The following ARHGEF3 variants were observed in gnomAD, a reference collection of about 807,000 sequenced individuals.
ARHGEF3 encodes the protein Rho guanine nucleotide exchange factor 3.
ARHGEF3 carries 28 observed loss-of-function variants against 63.2 expected under a neutral mutation model. That is an observed-to-expected ratio of 0.44 (90% confidence interval 0.33 to 0.61). The LOEUF is 0.61. ARHGEF3 is among the 20% of genes least tolerant of loss of function. The pLI is 0.03. For synonymous variants in ARHGEF3, 266 were observed against 254.2 expected (o/e 1.05, Z -0.44); for missense variants, 533 against 659.3 (o/e 0.81, Z 2.10).
chr3:56,795,657 T>C lies in ARHGEF3; in HGVS notation c.96+6046A>G, dbSNP rs191595858. On this transcript the variant is annotated intron_variant, in intron 1 of 9. Transcript: ENST00000296315. ...AACTTGTGACACAGTCTCTCTCTCT[T>C]TTTTTTTTTTGAAGATGGACTCTTG... Among the ~76,000 whole-genome samples, 164 of 75,138 alleles carry C rather than the reference T, an allele frequency of 2.2e-3. 4 individuals carry two copies. Among genetic ancestry groups the C allele is most frequent in the Non-Finnish European group, 2.6e-3 (100 of 38,726 alleles). 49.3% of individuals were successfully genotyped at this position (75,138 alleles called of 152,430 possible). A position where few individuals can be genotyped will look rare whatever the true frequency, so the allele number is the denominator to read the frequency against.
rs562259603 is a variant in ARHGEF3 at position 56,734,691 on chromosome 3, T to C, written c.1042-2267A>G. Among the ~76,000 whole-genome samples, 12 of 152,208 alleles carry C rather than the reference T, an allele frequency of 7.9e-5. No individual in the cohort carries two copies. The South Asian group carries it at 1.5e-3, about 18-fold the overall frequency. Reference sequence around the variant, plus strand: ...TTAAATTTAGGAGAAAAGAAACCCATAGGTCTCCCACCCCTATCCCTACTA... The same window carrying C: ...TTAAATTTAGGAGAAAAGAAACCCACAGGTCTCCCACCCCTATCCCTACTA... On this transcript the variant is annotated intron_variant, in intron 8 of 9. Coordinates refer to ENST00000296315, the MANE Select transcript of ARHGEF3 (RefSeq NM_019555.3).
At chr3:56,904,636 A>G (rs144915519) in intron 3 of ARHGEF3, among the ~76,000 whole-genome samples, 1 of 152,346 alleles carries the variant, frequency 6.6e-6, no homozygotes, top group African/African-American at 2.4e-5. Flanking sequence ...AGACAGCTGG[A>G]TTCATACATC....
chr3:56,739,396 C>CTT (rs11309388), intron 7 of ARHGEF3, among the ~76,000 whole-genome samples: 2 of 133,430 alleles, frequency 1.5e-5, no homozygotes. Context: ...AATTATTTTC[C>CTT]TTTTTTTTTT....
At chr3:57,062,254 C>A (rs1027535353) in intron 1 of ARHGEF3, among the ~76,000 whole-genome samples, 8 of 152,230 alleles carry the variant, frequency 5.3e-5, no homozygotes, top group African/African-American at 1.9e-4. Context: ...ACTGCTCTAG[C>A]GCTGGGTGAG....
chr3:56,978,476 T>A (rs1435313616), intron 2 of ARHGEF3, among the ~76,000 whole-genome samples: 1 of 152,006 alleles, frequency 6.6e-6, no homozygotes, highest in Non-Finnish European at 1.5e-5. Context: ...GCTCACAAAA[T>A]AAAAAACCCA....
intron 2 of ARHGEF3, among the ~76,000 whole-genome samples, chr3:56,760,041 C>A (rs2035332239): frequency 6.6e-6 from 1 of 152,172 alleles, no homozygotes; most frequent in East Asian, 1.9e-4. Context: ...AACTGATGGA[C>A]ATTAAAATTG....
At chr3:56,734,094 T>C (rs1276785294) in intron 8 of ARHGEF3, among the ~76,000 whole-genome samples, 1 of 152,056 alleles carries the variant, frequency 6.6e-6, no homozygotes, top group Non-Finnish European at 1.5e-5. Flanking sequence ...GTGTGTGATG[T>C]TGGCAAAAAG....
chr3:56,883,577 G>A (rs1331274010), intron 3 of ARHGEF3, among the ~76,000 whole-genome samples: 1 of 152,184 alleles, frequency 6.6e-6, no homozygotes, highest in African/African-American at 2.4e-5. Flanking sequence ...GATTACAGGA[G>A]TGAACCATTG....
chr3:56,923,943 C>T (rs1457095252), intron 3 of ARHGEF3, among the ~76,000 whole-genome samples: 2 of 152,216 alleles, frequency 1.3e-5, no homozygotes, highest in Non-Finnish European at 1.5e-5. Context: ...TCAGCACCTC[C>T]TCCCAGTTAG....
chr3:56,770,560 G>A (rs1004197312), intron 2 of ARHGEF3, among the ~76,000 whole-genome samples: 4 of 152,232 alleles, frequency 2.6e-5, no homozygotes, highest in African/African-American at 4.8e-5. Context: ...AAGTTGCACC[G>A]TGTGCACCAA....
At chr3:56,761,974 A>T (rs141295097) in intron 2 of ARHGEF3, among the ~76,000 whole-genome samples, 2 of 152,146 alleles carry the variant, frequency 1.3e-5, no homozygotes, top group Non-Finnish European at 1.5e-5. Flanking sequence ...AAGTTTCTCA[A>T]CCTGGCCACC....
At chr3:56,973,110 G>A (rs978829562) in intron 2 of ARHGEF3, among the ~76,000 whole-genome samples, 4 of 151,568 alleles carry the variant, frequency 2.6e-5, no homozygotes, top group East Asian at 3.9e-4. Flanking sequence ...TCCGCCTCCC[G>A]GGTTCACACC....
rs781263643 is a variant in ARHGEF3, at chr3:56,729,454, G to A, written c.1397C>T (p.Ser466Leu). ...GCTCCCGGTGGTGGGATTTAGGAAC[G>A]ATCCCTCGGAGTCAAGCACCCCAGC... ...GQAGVLDSEG[S>L]FLNPTTGSRE... Residue 466 changes from serine (S) to leucine (L), a missense_variant, in exon 10 of 10, where the codon TCG (serine) becomes TTG (leucine). Around this residue, in one of 4 missense-constraint regions of ARHGEF3, gnomAD observed 115 missense variants for 103.4 expected, o/e 1.11. Coordinates refer to ENST00000296315, the MANE Select transcript of ARHGEF3 (RefSeq NM_019555.3). The A allele has an allele frequency of 9.3e-6, 15 of 1,614,022 alleles. No individual in the cohort carries two copies. The African/African-American group carries it at 1.2e-4, about 13-fold the overall frequency.
intron 4 of ARHGEF3, among the ~76,000 whole-genome samples, chr3:56,859,386 A>G (rs1463549890): frequency 1.3e-5 from 2 of 151,826 alleles, no homozygotes; most frequent in East Asian, 3.9e-4. Context: ...TGATCCGCCT[A>G]CCTCGGCCTC....
chr3:57,013,190 A>G (rs1215534428), intron 2 of ARHGEF3, among the ~76,000 whole-genome samples: 17 of 152,146 alleles, frequency 1.1e-4, no homozygotes, highest in Admixed American at 9.8e-4. Flanking sequence ...CCTCCCAGAC[A>G]GGCACTGCCC....
At chr3:56,839,543 C>T (rs999711262) in intron 4 of ARHGEF3, among the ~76,000 whole-genome samples, 1 of 152,186 alleles carries the variant, frequency 6.6e-6, no homozygotes, top group Non-Finnish European at 1.5e-5. Context: ...GGGAAAGGTA[C>T]ATAAGAACTC....
chr3:56,732,200 A>T, intron 9 of ARHGEF3, 38 bp downstream of exon 9: 1 of 1,610,904 alleles, frequency 6.2e-7, no homozygotes. Flanking sequence ...ACCACGGCCA[A>T]AAACATTCAA....
At chr3:56,789,020 ATGCTGCTGCTGCTGC>A (rs34620976) in intron 1 of ARHGEF3, among the ~76,000 whole-genome samples, 5,821 of 149,190 alleles carry the variant, frequency 0.039, 214 homozygotes, top group Non-Finnish European at 0.052. Context: ...TTCAAGATAG[ATGCTGCTGCTGCTGC>A]TGCTGCTGCT....
intron 8 of ARHGEF3, among the ~76,000 whole-genome samples, chr3:56,735,761 C>T (rs1049334682): frequency 1.3e-5 from 2 of 152,206 alleles, no homozygotes; most frequent in African/African-American, 4.8e-5. Context: ...AGACACACGT[C>T]TTCAAGCAAC....
Sources: gnomAD v4.1 joint callset for allele counts (sites outside exome capture counted in the v4.1 genomes callset) on GRCh38, gnomAD v4.1.1 for gene constraint, gnomAD v4.1.1 regional missense constraint, MANE v1.5 for transcripts, NCBI Gene and HGNC (gene_info 2026-07-23, HGNC 2026-07-21) for gene names.